Variants in TAFA2 observed in about 807,000 individuals in gnomAD.
TAFA2 encodes TAFA chemokine like family member 2.
A neutral mutation model predicts 18.8 loss-of-function variants in TAFA2; 7 were observed. The ratio of observed to expected loss-of-function variants is 0.37; its 90% CI spans 0.21 to 0.70. The LOEUF is 0.70. Among genes scored for constraint, TAFA2 ranks in the 30% least tolerant of loss-of-function variants. The pLI is 0.53. For missense variants in TAFA2, 122 were observed against 158.1 expected (o/e 0.77, Z 1.23); for synonymous variants, 60 against 54.2 (o/e 1.11, Z -0.47).
chr12:62,032,122 T>C (rs1881475315), intron 1 of TAFA2, among the ~76,000 whole-genome samples: 1 of 152,178 alleles, frequency 6.6e-6, no homozygotes. Flanking sequence ...CCTGGAAAAG[T>C]ATAGCATGTG....
intron 2 of TAFA2, among the ~76,000 whole-genome samples, chr12:61,848,549 T>C (rs781578094): frequency 6.6e-6 from 1 of 152,206 alleles, no homozygotes; most frequent in Non-Finnish European, 1.5e-5. Context: ...GTTTTTACTG[T>C]ATGTTTTTAC....
At chr12:61,737,825 G>A (rs1868329333) in intron 4 of TAFA2, among the ~76,000 whole-genome samples, 1 of 151,962 alleles carries the variant, frequency 6.6e-6, no homozygotes, top group Non-Finnish European at 1.5e-5. Flanking sequence ...AAATAAGGCA[G>A]TAAGCACAAA....
chr12:61,903,728 T>C (rs926193166), intron 1 of TAFA2, among the ~76,000 whole-genome samples: 1 of 152,238 alleles, frequency 6.6e-6, no homozygotes, highest in Non-Finnish European at 1.5e-5. Context: ...TTTTAAGAAG[T>C]AGTCACTTAA....
At chr12:61,932,996 G>T (rs1877623802) in intron 1 of TAFA2, among the ~76,000 whole-genome samples, 1 of 152,176 alleles carries the variant, frequency 6.6e-6, no homozygotes, top group African/African-American at 2.4e-5. Context: ...GCCAAGCTAG[G>T]TTAAAGGCAA....
chr12:62,127,239 G>A (rs930623542), intron 1 of TAFA2, among the ~76,000 whole-genome samples: 2 of 152,000 alleles, frequency 1.3e-5, no homozygotes, highest in Admixed American at 6.6e-5. Flanking sequence ...GCTGCTGAAG[G>A]ATTGGTTTAG....
chr12:61,881,020 A>G (rs1359202419), intron 1 of TAFA2, among the ~76,000 whole-genome samples: 1 of 152,218 alleles, frequency 6.6e-6, no homozygotes, highest in Non-Finnish European at 1.5e-5. Flanking sequence ...CAAAAAGAAA[A>G]AAGAGTTTGA....
At chr12:61,940,324 T>C (rs1218277317) in intron 1 of TAFA2, among the ~76,000 whole-genome samples, 1 of 152,194 alleles carries the variant, frequency 6.6e-6, no homozygotes, top group Non-Finnish European at 1.5e-5. Context: ...TTTCAGCTCC[T>C]GGATGGTGGT....
In TAFA2 at chr12:62,030,147, G is replaced by T. The variant is rs571400822; in HGVS notation, c.-2+161112C>A. 3.9e-5 allele frequency among the ~76,000 whole-genome samples: 6 copies of T among 152,226 alleles called. No individual in the cohort carries two copies. The South Asian group carries it at 6.2e-4, about 16-fold the overall frequency. On this transcript the variant is annotated intron_variant, in intron 1 of 4. Coordinates refer to ENST00000416284, the MANE Select transcript of TAFA2 (RefSeq NM_178539.5). ...GAGGAAAAGCTCAGAAAGGATCAAAGACACACTGGCATCCTTGGGGACCCA... is the reference window on the plus strand; with the variant it reads ...GAGGAAAAGCTCAGAAAGGATCAAATACACACTGGCATCCTTGGGGACCCA...
At chr12:61,898,874 C>T (rs1875973526) in intron 1 of TAFA2, among the ~76,000 whole-genome samples, 1 of 152,160 alleles carries the variant, frequency 6.6e-6, no homozygotes, top group African/African-American at 2.4e-5. Context: ...CAGGCTGCAA[C>T]TTTTCCAAAC....
At chr12:62,006,007 T>G (rs978903362) in intron 1 of TAFA2, among the ~76,000 whole-genome samples, 1 of 152,146 alleles carries the variant, frequency 6.6e-6, no homozygotes, top group Non-Finnish European at 1.5e-5. Flanking sequence ...ACTTCAACAT[T>G]TTCATTTTTA....
intron 1 of TAFA2, among the ~76,000 whole-genome samples, chr12:62,169,998 A>G (rs940332850): frequency 1.3e-5 from 2 of 152,178 alleles, no homozygotes; most frequent in East Asian, 1.9e-4. Flanking sequence ...GCTTACAAGC[A>G]CATATCGAAA....
At chr12:61,988,966 A>C (rs1879908759) in intron 1 of TAFA2, among the ~76,000 whole-genome samples, 1 of 152,240 alleles carries the variant, frequency 6.6e-6, no homozygotes, top group Non-Finnish European at 1.5e-5. Context: ...TGTGAGCAAG[A>C]GCAATTTTGT....
chr12:61,842,211 GAA>G (rs1218711441), intron 2 of TAFA2, among the ~76,000 whole-genome samples: 1 of 151,706 alleles, frequency 6.6e-6, no homozygotes, highest in Non-Finnish European at 1.5e-5. Flanking sequence ...GGAGAAGAAA[GAA>G]GAGAACAAAA....
At chr12:62,018,381 T>G (rs1049207688) in intron 1 of TAFA2, among the ~76,000 whole-genome samples, 2 of 152,158 alleles carry the variant, frequency 1.3e-5, no homozygotes, top group Admixed American at 1.3e-4. Flanking sequence ...TATCACCATT[T>G]ATTCACACAA....
rs557364557 is a variant in TAFA2, at chr12:62,102,003, G to A, written c.-2+89256C>T. Reference sequence around the variant, plus strand: ...GAGAAAGATTCATAGAAAAAAAAAAGTGACAGTACTAATGGGTCTTGGAGG... The same window carrying A: ...GAGAAAGATTCATAGAAAAAAAAAAATGACAGTACTAATGGGTCTTGGAGG... On this transcript the variant is annotated intron_variant, in intron 1 of 4. Coordinates refer to ENST00000416284, the MANE Select transcript of TAFA2 (RefSeq NM_178539.5). 2.0e-5 allele frequency among the ~76,000 whole-genome samples: 3 copies of A among 152,254 alleles called. No individual in the cohort carries two copies. The East Asian group carries it at 5.8e-4, about 29-fold the overall frequency.
chr12:61,820,494 T>C (rs1043233339), intron 2 of TAFA2, among the ~76,000 whole-genome samples: 1 of 149,376 alleles, frequency 6.7e-6, no homozygotes, highest in Non-Finnish European at 1.5e-5. Flanking sequence ...TTCAGAATAA[T>C]ATCTCTCAGA....
chr12:62,070,142 T>C (rs1882590607), intron 1 of TAFA2, among the ~76,000 whole-genome samples: 1 of 152,210 alleles, frequency 6.6e-6, no homozygotes, highest in Admixed American at 6.5e-5. Context: ...TAGAACATTA[T>C]TGGGGAATTT....
intron 2 of TAFA2, among the ~76,000 whole-genome samples, chr12:61,814,836 G>C (rs1229302984): frequency 6.6e-6 from 1 of 151,406 alleles, no homozygotes; most frequent in East Asian, 1.9e-4. Flanking sequence ...TATGCTGCTG[G>C]CTTTGAAGAT....
At chr12:62,183,987 C>T (rs1565773127) in intron 1 of TAFA2, among the ~76,000 whole-genome samples, 1 of 152,148 alleles carries the variant, frequency 6.6e-6, no homozygotes, top group Non-Finnish European at 1.5e-5. Context: ...CAGCATCATG[C>T]AGATAAAGCA....
Sources: gnomAD v4.1 joint callset for allele counts (sites outside exome capture counted in the v4.1 genomes callset) on GRCh38, gnomAD v4.1.1 for gene constraint, MANE v1.5 for transcripts, NCBI Gene and HGNC (gene_info 2026-07-23, HGNC 2026-07-21) for gene names.